The following NR3C2 variants were observed in gnomAD, a reference collection of about 807,000 sequenced individuals.
NR3C2 encodes mineralocorticoid receptor.
In NR3C2, 15 loss-of-function variants were observed where a neutral mutation model predicts 86.4. That is an observed-to-expected ratio of 0.17 (90% CI 0.12 to 0.27). NR3C2 has a LOEUF of 0.27. Ranked by LOEUF, NR3C2 falls within the 10% of genes least tolerant of loss-of-function variation. NR3C2 has a pLI of 1.00. For synonymous variants in NR3C2, 458 were observed against 450.5 expected (o/e 1.02, Z -0.21); for missense variants, 960 against 1,195.6 (o/e 0.80, Z 2.91).
chr4:148,081,326 C>T lies in NR3C2; in HGVS notation c.*18G>A. 6 of 1,614,176 alleles carry T rather than the reference C, an allele frequency of 3.7e-6. No individual in the cohort carries two copies. Among genetic ancestry groups the T allele is most frequent in the Non-Finnish European group, 5.1e-6 (6 of 1,180,038 alleles). On this transcript the variant is annotated 3_prime_UTR_variant, in exon 9 of 9. Transcript: ENST00000358102. ...ACACAGGGAAACTTAAGGCAAAGTT[C>T]TTCTGGGCAGCGGGCAGTCACTTCC... is the stretch of plus-strand genomic sequence containing the variant.
chr4:148,179,179 G>C (rs941862630), intron 4 of NR3C2, among the ~76,000 whole-genome samples: 1 of 151,624 alleles, frequency 6.6e-6, no homozygotes, highest in East Asian at 1.9e-4. Flanking sequence ...ATATCAGTGA[G>C]TGTGTGAAAC....
intron 8 of NR3C2, among the ~76,000 whole-genome samples, chr4:148,093,286 C>T (rs963078310): frequency 1.3e-5 from 2 of 152,206 alleles, no homozygotes; most frequent in Non-Finnish European, 2.9e-5. Context: ...AGGCCAGCGG[C>T]CACTCCCCGC....
At position 148,195,460 on chromosome 4, in the gene NR3C2, C is replaced by T. The variant is rs61757487; in HGVS notation, c.1898-598G>A. ...AAAAATATTTACTAAACACCCACAG[C>T]GTACTAGGCACTACTAGAGGCACTA... is the stretch of plus-strand genomic sequence containing the variant. On this transcript the variant is annotated intron_variant, in intron 3 of 8. Coordinates refer to ENST00000358102, the MANE Select transcript of NR3C2 (RefSeq NM_000901.5). Among the ~76,000 whole-genome samples, 926 of 152,304 alleles carry T rather than the reference C, an allele frequency of 6.1e-3. 10 individuals carry two copies. The highest frequency in any genetic ancestry group is 9.9e-3 in the Non-Finnish European group (671 of 68,032).
chr4:148,325,155 A>AGTGTGTGTGTGT (rs57080333), intron 2 of NR3C2, among the ~76,000 whole-genome samples: 4 of 151,454 alleles, frequency 2.6e-5, no homozygotes, highest in African/African-American at 7.3e-5. Context: ...AGAGAGACAG[A>AGTGTGTGTGTGT]GTGTGTGTGT....
chr4:148,335,863 C>T (rs545620498), intron 2 of NR3C2, among the ~76,000 whole-genome samples: 131 of 151,706 alleles, frequency 8.6e-4, no homozygotes, highest in African/African-American at 3.0e-3. Context: ...GTGTTATTTA[C>T]AACACAGAAA....
At chr4:148,161,250 A>T (rs1734646435) in intron 4 of NR3C2, among the ~76,000 whole-genome samples, 1 of 152,268 alleles carries the variant, frequency 6.6e-6, no homozygotes, top group Non-Finnish European at 1.5e-5. Context: ...AAGTTAACAC[A>T]CATTATTGAT....
chr4:148,327,738 A>C (rs1009902765), intron 2 of NR3C2, among the ~76,000 whole-genome samples: 1 of 152,184 alleles, frequency 6.6e-6, no homozygotes, highest in Non-Finnish European at 1.5e-5. Flanking sequence ...TGACATATTA[A>C]TACTACTACC....
chr4:148,262,832 CT>C (rs757581438), intron 2 of NR3C2, among the ~76,000 whole-genome samples: 3 of 152,088 alleles, frequency 2.0e-5, no homozygotes, highest in Non-Finnish European at 4.4e-5. Flanking sequence ...GTCTCTGACC[CT>C]TCTCTTTCTC....
At chr4:148,134,248 G>A (rs1207525766) in intron 6 of NR3C2, among the ~76,000 whole-genome samples, 3 of 152,074 alleles carry the variant, frequency 2.0e-5, no homozygotes, top group Non-Finnish European at 2.9e-5. Flanking sequence ...ATTCATTACC[G>A]GGTGAAATAA....
rs1740025629 is a variant in NR3C2, at chr4:148,260,160, C to T, written c.1758-43G>A. Reference sequence around the variant, plus strand: ...GATTTAAATAACTACACCGTAAAGGCACATTTAACATGCTGCACAGCTTAG... The same window carrying T: ...GATTTAAATAACTACACCGTAAAGGTACATTTAACATGCTGCACAGCTTAG... On this transcript the variant is annotated intron_variant, in intron 2 of 8. Coordinates refer to ENST00000358102, the MANE Select transcript of NR3C2 (RefSeq NM_000901.5). 2.5e-6 allele frequency: 4 copies of T among 1,612,108 alleles called. No individual in the cohort carries two copies. The East Asian group carries it at 9.0e-5, about 36-fold the overall frequency.
At chr4:148,151,881 T>C (rs537531513) in intron 6 of NR3C2, among the ~76,000 whole-genome samples, 2 of 152,314 alleles carry the variant, frequency 1.3e-5, no homozygotes, top group Admixed American at 6.5e-5. Context: ...AAACTTAAAA[T>C]AGGAAGGAAT....
At chr4:148,170,278 T>C (rs1735063254) in intron 4 of NR3C2, among the ~76,000 whole-genome samples, 1 of 152,148 alleles carries the variant, frequency 6.6e-6, no homozygotes, top group Non-Finnish European at 1.5e-5. Context: ...AGGAAGTTGT[T>C]AAAGCAAGAA....
chr4:148,399,657 T>C (rs754373291), intron 2 of NR3C2, among the ~76,000 whole-genome samples: 4 of 150,374 alleles, frequency 2.7e-5, no homozygotes, highest in Non-Finnish European at 5.9e-5. Flanking sequence ...CTACTCTCCA[T>C]CATCGACAAA....
intron 2 of NR3C2, among the ~76,000 whole-genome samples, chr4:148,427,257 C>G (rs1749589437): frequency 6.6e-6 from 1 of 152,102 alleles, no homozygotes; most frequent in Non-Finnish European, 1.5e-5. Flanking sequence ...CTCTTCATTT[C>G]TCTTACTCAC....
intron 8 of NR3C2, among the ~76,000 whole-genome samples, chr4:148,082,723 G>A (rs1212231677): frequency 3.5e-5 from 5 of 142,586 alleles, no homozygotes; most frequent in African/African-American, 1.0e-4. Flanking sequence ...AGACAGAACC[G>A]TTCACTTCCC....
At chr4:148,193,331 T>C (rs780259419) in intron 4 of NR3C2, among the ~76,000 whole-genome samples, 31 of 152,172 alleles carry the variant, frequency 2.0e-4, no homozygotes, top group Non-Finnish European at 4.0e-4. Context: ...GTAACTGGGG[T>C]GTCTCCCAGG....
At chr4:148,384,025 T>C (rs369790521) in intron 2 of NR3C2, among the ~76,000 whole-genome samples, 25 of 150,208 alleles carry the variant, frequency 1.7e-4, no homozygotes, top group African/African-American at 5.6e-4. Flanking sequence ...AGTAAAATAA[T>C]TGGGTTTTTG....
At chr4:148,139,077 A>G (rs1462186170) in intron 6 of NR3C2, among the ~76,000 whole-genome samples, 1 of 152,186 alleles carries the variant, frequency 6.6e-6, no homozygotes, top group Admixed American at 6.5e-5. Flanking sequence ...TCTTTAAATT[A>G]CCCAGAATCA....
At chr4:148,444,131 G>A (rs376885378), upstream of NR3C2, 1,494 of 985,430 alleles carry the variant, frequency 1.5e-3, 11 homozygotes, top group South Asian at 0.025. Context: ...CGGCGGGCGG[G>A]AGCAAGGGGA....
Sources: allele counts gnomAD v4.1 joint callset (sites outside exome capture counted in the v4.1 genomes callset), GRCh38; gene constraint gnomAD v4.1.1; transcripts MANE v1.5; gene names NCBI Gene and HGNC (gene_info 2026-07-23, HGNC 2026-07-21).